KIAA2012: variants seen among roughly 807,000 people sequenced by gnomAD.
KIAA2012 encodes uncharacterized protein KIAA2012.
KIAA2012 carries 125 observed loss-of-function variants against 150.6 expected under a neutral mutation model. That is an observed-to-expected ratio of 0.83 (90% CI 0.72 to 0.96). The LOEUF is 0.96. Ranked by LOEUF, KIAA2012 falls within the 40% of genes least tolerant of loss-of-function variation. The pLI is 0.00. For missense variants in KIAA2012, 1,219 were observed against 1,354.9 expected, an observed-to-expected ratio of 0.90 and a Z score of 1.57; for synonymous variants, 462 against 504.7, an observed-to-expected ratio of 0.92 and a Z score of 1.13.
At chr2:202,110,089 C>A (rs755795431) in intron 10 of KIAA2012, among the ~76,000 whole-genome samples, 2 of 152,190 alleles carry the variant, frequency 1.3e-5, no homozygotes, top group Non-Finnish European at 2.9e-5. Flanking sequence ...AGACACACTA[C>A]TGGATTTACC....
At chr2:202,149,555 G>A (rs1369161053) in intron 13 of KIAA2012, among the ~76,000 whole-genome samples, 2 of 152,240 alleles carry the variant, frequency 1.3e-5, no homozygotes, top group African/African-American at 4.8e-5. Flanking sequence ...CTGCGTGGGA[G>A]GGAGTTAGAC....
chr2:202,140,794 G>A (rs1232557878), intron 13 of KIAA2012, among the ~76,000 whole-genome samples: 1 of 152,030 alleles, frequency 6.6e-6, no homozygotes, highest in Non-Finnish European at 1.5e-5. Context: ...CCTTCCCTGC[G>A]GCCTTTCCCA....
chr2:202,160,927 C>T (rs922132813), intron 14 of KIAA2012, among the ~76,000 whole-genome samples: 1 of 152,294 alleles, frequency 6.6e-6, no homozygotes, highest in Admixed American at 6.5e-5. Flanking sequence ...ACTTCAGACT[C>T]CTGCAGCACA....
intron 18 of KIAA2012, among the ~76,000 whole-genome samples, chr2:202,189,079 G>A (rs1022423793): frequency 3.3e-5 from 5 of 152,066 alleles, no homozygotes; most frequent in African/African-American, 4.8e-5. Context: ...CCCATGACTT[G>A]GGTAGCATTG....
chr2:202,097,046 C>T (rs1005993371), intron 4 of KIAA2012, among the ~76,000 whole-genome samples: 6 of 152,208 alleles, frequency 3.9e-5, no homozygotes, highest in South Asian at 2.1e-4. Context: ...CTGCAGGTCA[C>T]GCCACCATAA....
intron 15 of KIAA2012, among the ~76,000 whole-genome samples, chr2:202,180,226 G>A (rs931319044): frequency 2.7e-5 from 4 of 147,744 alleles, no homozygotes; most frequent in East Asian, 4.0e-4. Context: ...AGCCGAGATC[G>A]CGACATTGCA....
At chr2:202,151,233 C>T (rs901429127) in intron 13 of KIAA2012, among the ~76,000 whole-genome samples, 1 of 151,940 alleles carries the variant, frequency 6.6e-6, no homozygotes, top group African/African-American at 2.4e-5. Context: ...CCCATCTCTA[C>T]TAAAAATACA....
At chr2:202,132,696 GTATATATATATGTATATATGTATA>G (rs1690965080) in intron 12 of KIAA2012, among the ~76,000 whole-genome samples, 1 of 58,070 alleles carries the variant, frequency 1.7e-5, no homozygotes, top group Admixed American at 2.2e-4. Flanking sequence ...ATATATGTAT[GTATATATATATGTATATATGTATA>G]TATATATAGT....
chr2:202,160,265 TC>T (rs1312506735), intron 14 of KIAA2012, among the ~76,000 whole-genome samples: 2 of 151,972 alleles, frequency 1.3e-5, no homozygotes, highest in Non-Finnish European at 2.9e-5. Context: ...TATATATTAA[TC>T]TTTTTTATCT....
At chr2:202,193,867 T>C (rs1692362500) in intron 20 of KIAA2012, among the ~76,000 whole-genome samples, 2 of 152,202 alleles carry the variant, frequency 1.3e-5, no homozygotes, top group South Asian at 4.1e-4. Flanking sequence ...CTAGGCCCTT[T>C]CACAGGCCTC....
intron 12 of KIAA2012, among the ~76,000 whole-genome samples, chr2:202,125,548 G>A (rs1690761821): frequency 6.6e-6 from 1 of 152,148 alleles, no homozygotes; most frequent in African/African-American, 2.4e-5. Flanking sequence ...GCCTGGGGAA[G>A]GATAATTTGC....
In KIAA2012 at chr2:202,165,365, C is replaced by G. The variant is rs1691735545; in HGVS notation, c.2119+9C>G. 6.5e-7 allele frequency: 1 copy of G among 1,548,678 alleles called. No homozygotes were observed. Among genetic ancestry groups the G allele is most frequent in the Admixed American group, 2.0e-5 (1 of 50,964 alleles). On this transcript the variant is annotated intron_variant, in intron 15 of 23. Transcript: ENST00000498697. ...TCACCACAACGACCAAGGTACAGAC[C>G]ACTAGGTGGGGCTTTATAATCTTAT...
In KIAA2012 at chr2:202,104,731, G is replaced by A. The variant is rs980032964; in HGVS notation, c.1325-1030G>A. The stretch of plus-strand genomic sequence containing the variant: ...TCAGGAACTCTGGGTTGGTTGGGGT[G>A]CATATGACAGGTATGTTCCCAGGTG... On this transcript the variant is annotated intron_variant, in intron 8 of 23. Transcript: ENST00000498697. The surrounding 1 kb of genome is among the most constrained non-coding windows in gnomAD (Gnocchi z 4.3). 6.6e-6 allele frequency among the ~76,000 whole-genome samples: 1 copy of A among 152,172 alleles called. No homozygotes were observed. The highest frequency in any genetic ancestry group is 1.9e-4 in the East Asian group (1 of 5,200).
In KIAA2012 at chr2:202,196,855, A is replaced by C. The variant is rs1183971860; in HGVS notation, c.3243A>C (p.Lys1081Asn). The part of the protein sequence containing the change: ...ELEMQLEEEQ[K>N]HLMEMAEEER... Reference sequence around the variant, plus strand: ...AAATGCAGTTAGAAGAAGAACAAAAACACCTGATGGAAATGGCTGAAGAGG... The same window carrying C: ...AAATGCAGTTAGAAGAAGAACAAAACCACCTGATGGAAATGGCTGAAGAGG... The change falls in exon 22 of 24, where the codon AAA (lysine) becomes AAC (asparagine). Residue 1081 changes from lysine to asparagine, a missense_variant. Physicochemically the swap from Lys to Asn is moderately conservative, Grantham distance 94. Transcript: ENST00000498697. 1 of 1,550,588 alleles carries C rather than the reference A, an allele frequency of 6.4e-7. No homozygotes were observed. Among genetic ancestry groups the C allele is most frequent in the Non-Finnish European group, 8.7e-7 (1 of 1,147,014 alleles).
At chr2:202,139,102 G>A (rs1263592095) in intron 13 of KIAA2012, among the ~76,000 whole-genome samples, 6 of 151,986 alleles carry the variant, frequency 3.9e-5, no homozygotes, top group African/African-American at 1.2e-4. Context: ...TTAGCCGGGT[G>A]TGGTGGCATG....
Position 202,193,385 on chromosome 2 carries a change from G to C in KIAA2012, c.2896G>C (p.Glu966Gln). 16 of 1,550,366 alleles carry C rather than the reference G, an allele frequency of 1.0e-5. No individual in the cohort carries two copies. The highest frequency in any genetic ancestry group is 8.7e-6 in the Non-Finnish European group (10 of 1,146,832). Residue 966 changes from glutamate to glutamine, a missense_variant, in exon 20 of 24, where the codon GAG (glutamate) becomes CAG (glutamine). Glu to Gln is a conservative substitution (Grantham distance 29). Coordinates refer to ENST00000498697, the MANE Select transcript of KIAA2012 (RefSeq NM_001277372.4). ...ERAEMRWLEV[E>Q]KKRREQEEQR... ...AGCCGAGATGAGGTGGCTGGAGGTG[G>C]AGAAGAAGAGAAGGGAGCAGGAAGA...
At chr2:202,194,925 T>G (rs895164174) in intron 21 of KIAA2012, among the ~76,000 whole-genome samples, 6 of 151,892 alleles carry the variant, frequency 4.0e-5, no homozygotes, top group East Asian at 1.9e-4. Flanking sequence ...CCCGCCACCA[T>G]GCACAGATAA....
At chr2:202,138,997 G>A (rs574200543) in intron 13 of KIAA2012, among the ~76,000 whole-genome samples, 6 of 152,114 alleles carry the variant, frequency 3.9e-5, no homozygotes, top group South Asian at 4.2e-4. Context: ...AGCACTTTGC[G>A]AGGCTGAGGC....
At chr2:202,086,167 CAAA>C (rs56207993) in intron 2 of KIAA2012, among the ~76,000 whole-genome samples, 7 of 90,130 alleles carry the variant, frequency 7.8e-5, no homozygotes, top group South Asian at 9.1e-4. Flanking sequence ...AACTCTGTCT[CAAA>C]AAAAAAAAAA....
Sources: allele counts gnomAD v4.1 joint callset (sites outside exome capture counted in the v4.1 genomes callset), GRCh38; gene constraint gnomAD v4.1.1; non-coding constraint Gnocchi (gnomAD v3.1); transcripts MANE v1.5; gene names NCBI Gene and HGNC (gene_info 2026-07-23, HGNC 2026-07-21).